Variants in TULP4 observed in about 807,000 individuals in gnomAD.
TULP4 encodes the protein TUB like protein 4.
Under a neutral mutation model 129.0 loss-of-function variants are expected in TULP4, and 16 were observed. That is an observed-to-expected ratio of 0.12 (90% CI 0.08 to 0.19). The LOEUF (loss-of-function observed/expected upper bound fraction) is 0.19, where lower values mean the gene tolerates loss of function less well. TULP4 is among the 10% of genes least tolerant of loss of function. The pLI, the probability that TULP4 is intolerant of heterozygous loss-of-function variation, is 1.00. For missense variants in TULP4, 1,842 were observed against 2,059.1 expected (o/e 0.89, Z 2.04); for synonymous variants, 998 against 854.0 (o/e 1.17, Z -2.94).
At chr6:158,490,789 CTTTT>C (rs74809679) in intron 9 of TULP4, among the ~76,000 whole-genome samples, 1 of 142,800 alleles carries the variant, frequency 7.0e-6, no homozygotes, top group African/African-American at 2.6e-5. Flanking sequence ...GTATCTGGCT[CTTTT>C]TTTTTTTTTG....
At chr6:158,278,405 T>A (rs1778683827), upstream of TULP4, among the ~76,000 whole-genome samples, 1 of 151,584 alleles carries the variant, frequency 6.6e-6, no homozygotes, top group Non-Finnish European at 1.5e-5. Context: ...TTTTTTTGGC[T>A]ATATGCTTTA....
At chr6:158,444,267 AAC>A (rs1778980575) in intron 3 of TULP4, among the ~76,000 whole-genome samples, 4 of 72,858 alleles carry the variant, frequency 5.5e-5, no homozygotes, top group South Asian at 5.6e-4. Context: ...TTTTTTTTTT[AAC>A]TTTTGCCGCA....
chr6:158,395,983 G>C (rs949333300), intron 1 of TULP4, among the ~76,000 whole-genome samples: 45 of 152,120 alleles, frequency 3.0e-4, no homozygotes, highest in African/African-American at 1.1e-3. Flanking sequence ...GTAATGCTAA[G>C]GGCCATGAGC....
intron 5 of TULP4, among the ~76,000 whole-genome samples, chr6:158,453,593 A>G (rs575173668): frequency 6.6e-6 from 1 of 151,318 alleles, no homozygotes; most frequent in Admixed American, 6.6e-5. Context: ...GTTCAAGATC[A>G]GCCTGGCCAA....
intron 1 of TULP4, among the ~76,000 whole-genome samples, chr6:158,365,893 TTC>T (rs1562536827): frequency 1.6e-5 from 2 of 126,812 alleles, no homozygotes; most frequent in East Asian, 2.3e-4. Context: ...TTTTTTCTTT[TTC>T]TTTCTTTTTT....
intron 1 of TULP4, among the ~76,000 whole-genome samples, chr6:158,239,053 G>A (rs1391032944): frequency 1.6e-5 from 2 of 124,398 alleles, no homozygotes; most frequent in Non-Finnish European, 3.6e-5. Flanking sequence ...GGCCGGGCGG[G>A]GGGCTGACCC....
chr6:158,443,438 TTCTGTAGTCAGACTA>T (rs1778945785), intron 3 of TULP4, among the ~76,000 whole-genome samples: 1 of 152,090 alleles, frequency 6.6e-6, no homozygotes. Context: ...TTTATATTGG[TTCTGTAGTCAGACTA>T]TTCTCTACTC....
chr6:158,237,674 CCTT>C (rs1199221374), intron 1 of TULP4: 2 of 1,184,140 alleles, frequency 1.7e-6, no homozygotes, highest in African/African-American at 1.5e-5. Context: ...GGCAATTTTC[CCTT>C]CTTTTTCTTT....
At chr6:158,478,342 C>CT (rs1239506624) in intron 6 of TULP4, among the ~76,000 whole-genome samples, 1 of 152,192 alleles carries the variant, frequency 6.6e-6, no homozygotes, top group Non-Finnish European at 1.5e-5. Flanking sequence ...AGCAGCGTAT[C>CT]TTTAAGATCA....
chr6:158,284,265 A>T (rs1250017598), intron 1 of TULP4, among the ~76,000 whole-genome samples: 1 of 152,234 alleles, frequency 6.6e-6, no homozygotes, highest in Non-Finnish European at 1.5e-5. Flanking sequence ...AAATGGAGTT[A>T]AAAAGAAAAA....
chr6:158,468,457 G>A (rs915173995), intron 6 of TULP4, among the ~76,000 whole-genome samples: 1 of 152,058 alleles, frequency 6.6e-6, no homozygotes, highest in Non-Finnish European at 1.5e-5. Context: ...CCAGCATTAT[G>A]TAATTTCCAA....
chr6:158,421,293 C>G lies in TULP4; in HGVS notation c.381+8100C>G, dbSNP rs931489217. On this transcript the variant is annotated intron_variant, in intron 2 of 13. Transcript: ENST00000367097. ...AGGAGAATGGCGTGAACCCGGGAGG[C>G]GGAGCTTGCAGTGAGCCGAGATCGC... 5.3e-5 allele frequency among the ~76,000 whole-genome samples: 8 copies of G among 151,750 alleles called. 2 individuals are homozygous for G. The highest frequency in any genetic ancestry group is 2.6e-4 in the Admixed American group (4 of 15,236).
At chr6:158,314,993 C>G (rs547095883) in intron 1 of TULP4, among the ~76,000 whole-genome samples, 12 of 152,284 alleles carry the variant, frequency 7.9e-5, no homozygotes, top group Non-Finnish European at 1.3e-4. Context: ...TAATTTCTTG[C>G]AAAGTTTTGC....
intron 1 of TULP4, among the ~76,000 whole-genome samples, chr6:158,262,142 C>T (rs1337730474): frequency 1.3e-5 from 2 of 152,150 alleles, no homozygotes; most frequent in Admixed American, 6.5e-5. Flanking sequence ...AAGGGTGCAC[C>T]TCCATGCATA....
intron 1 of TULP4, among the ~76,000 whole-genome samples, chr6:158,353,036 G>A (rs77492659): frequency 6.6e-6 from 1 of 152,130 alleles, no homozygotes; most frequent in South Asian, 2.1e-4. Flanking sequence ...CAGAGAGCAG[G>A]CTCCAGCTGA....
At chr6:158,474,925 C>T (rs995934027) in intron 6 of TULP4, among the ~76,000 whole-genome samples, 11 of 152,192 alleles carry the variant, frequency 7.2e-5, no homozygotes, top group African/African-American at 2.2e-4. Context: ...CTCCCTGCCA[C>T]GCCAGGATGT....
At chr6:158,234,421 G>C (rs1777650659) in intron 1 of TULP4, among the ~76,000 whole-genome samples, 1 of 152,196 alleles carries the variant, frequency 6.6e-6, no homozygotes, top group African/African-American at 2.4e-5. Context: ...GGGAAGCCCA[G>C]GTTTTCTTTT....
Position 158,343,629 on chromosome 6 carries a change from A to G in TULP4, c.252+29361A>G, listed in dbSNP as rs578120441. Among the ~76,000 whole-genome samples the G allele has an allele frequency of 2.0e-5, 3 of 152,198 alleles. No individual in the cohort carries two copies. The East Asian group carries it at 5.8e-4, about 29-fold the overall frequency. On this transcript the variant is annotated intron_variant, in intron 1 of 13. Transcript: ENST00000367097. Reference sequence around the variant, plus strand: ...AGAAAAGAGCCCTTGTCACAGCCCCACCATGCTGGCCCCCTGATCTCAGAC... The same window carrying G: ...AGAAAAGAGCCCTTGTCACAGCCCCGCCATGCTGGCCCCCTGATCTCAGAC...
At chr6:158,329,852 T>G (rs1037889688) in intron 1 of TULP4, among the ~76,000 whole-genome samples, 2 of 152,096 alleles carry the variant, frequency 1.3e-5, no homozygotes, top group Admixed American at 1.3e-4. Flanking sequence ...GAAAACACCT[T>G]AGGGGAGTCA....
Sources: gnomAD v4.1 joint callset for allele counts (sites outside exome capture counted in the v4.1 genomes callset) on GRCh38, gnomAD v4.1.1 for gene constraint, MANE v1.5 for transcripts, NCBI Gene and HGNC (gene_info 2026-07-23, HGNC 2026-07-21) for gene names.